The following ARIH2 variants were observed in gnomAD, a reference collection of about 807,000 sequenced individuals.
ARIH2 encodes ariadne RBR E3 ubiquitin protein ligase 2.
In ARIH2, 12 loss-of-function variants were observed where a neutral mutation model predicts 79.8. The ratio of observed to expected loss-of-function variants is 0.15; its 90% confidence interval spans 0.10 to 0.24. ARIH2 has a LOEUF of 0.24. Ranked by LOEUF, ARIH2 falls within the 10% of genes least tolerant of loss-of-function variation. The probability of loss-of-function intolerance (pLI) is 1.00; values close to 1 mark genes in which losing one functional copy is unlikely to be tolerated. For synonymous variants in ARIH2, 224 were observed against 213.9 expected, an observed-to-expected ratio of 1.05 and a Z score of -0.41; for missense variants, 301 against 618.3, an observed-to-expected ratio of 0.49 and a Z score of 5.44.
rs537220306 is a variant in ARIH2 at position 48,967,047 on chromosome 3, C to T, written c.388-78C>T. The T allele has an allele frequency of 9.1e-5, 134 of 1,471,964 alleles. No homozygotes were observed. In the African/African-American group the frequency reaches 1.7e-3, roughly 19 times the overall value. The allele number at this position is 1,471,964 out of a possible 1,614,324, so 91.2% of individuals were successfully genotyped here. On this transcript the variant is annotated intron_variant, in intron 5 of 15. Transcript: ENST00000356401. ...TGCAGGGTGAGGATCACTTTCCATGCACCCGGCTGCATGAGGTACCCTTAT... is the reference window on the plus strand; with the variant it reads ...TGCAGGGTGAGGATCACTTTCCATGTACCCGGCTGCATGAGGTACCCTTAT...
rs781645438 is a variant in ARIH2, at chr3:48,979,799, A to G, written c.1113+166A>G. ...GCTGCCTCTATAGATGTGCCTTTCA[A>G]GCTCTATAGGGTATATCCCCAGCCA... On this transcript the variant is annotated intron_variant, in intron 12 of 15. Transcript: ENST00000356401. The G allele has an allele frequency of 2.1e-4, 150 of 705,802 alleles. 2 individuals carry two copies. The highest frequency in any genetic ancestry group is 4.8e-5 in the Non-Finnish European group (21 of 434,896). 43.7% of individuals were successfully genotyped at this position (705,802 alleles called of 1,614,324 possible).
chr3:48,953,935 G>A (rs111737992), intron 3 of ARIH2, among the ~76,000 whole-genome samples: 3,658 of 148,378 alleles, frequency 0.025, 134 homozygotes, highest in African/African-American at 0.086. Flanking sequence ...AGGCCGAAGC[G>A]GGTGGATCAC....
Position 48,984,583 on chromosome 3 carries a change from G to C in ARIH2, c.*1313G>C, listed in dbSNP as rs2107723731. 1.3e-5 allele frequency: 2 copies of C among 152,330 alleles called. No individual in the cohort carries two copies. Among genetic ancestry groups the C allele is most frequent in the South Asian group, 4.1e-4 (2 of 4,826 alleles). 9.4% of individuals were successfully genotyped at this position (152,330 alleles called of 1,614,324 possible). A position where few individuals can be genotyped will look rare whatever the true frequency, so the allele number is the denominator to read the frequency against. On this transcript the variant is annotated 3_prime_UTR_variant, in exon 16 of 16. Coordinates refer to ENST00000356401, the MANE Select transcript of ARIH2 (RefSeq NM_006321.4). Reference sequence around the variant, plus strand: ...GTTTGCCTGGTGTCCTACCTGTCCTGAACCTGGTCCTGTGGGCCATTGAAA... The same window carrying C: ...GTTTGCCTGGTGTCCTACCTGTCCTCAACCTGGTCCTGTGGGCCATTGAAA...
chr3:48,922,572 A>C (rs556507898), intron 1 of ARIH2, 176 bp from the exon 2 acceptor site: 1 of 152,280 alleles, frequency 6.6e-6, no homozygotes, highest in African/African-American at 2.4e-5. Context: ...AACTCTTGTC[A>C]ATATAATTAT....
intron 3 of ARIH2, among the ~76,000 whole-genome samples, chr3:48,958,358 G>C (rs1017165813): frequency 3.9e-5 from 6 of 152,194 alleles, no homozygotes; most frequent in African/African-American, 7.2e-5. Context: ...CTTATCAGTA[G>C]TAGGATCGTG....
intron 2 of ARIH2, among the ~76,000 whole-genome samples, 193 bp downstream of exon 2, chr3:48,923,004 G>A (rs1031647860): frequency 5.9e-5 from 9 of 152,158 alleles, no homozygotes; most frequent in African/African-American, 1.2e-4. Flanking sequence ...TCAGGAGATC[G>A]AGACCATCCC....
At chr3:48,946,174 A>G (rs1055046747) in intron 3 of ARIH2, among the ~76,000 whole-genome samples, 3 of 152,056 alleles carry the variant, frequency 2.0e-5, no homozygotes, top group Non-Finnish European at 4.4e-5. Flanking sequence ...TCTTAGCATT[A>G]TTGGCCCACA....
At chr3:48,981,817 C>A (rs1262465901) in intron 14 of ARIH2, 89 bp downstream of exon 14, 1 of 1,108,310 alleles carries the variant, frequency 9.0e-7, no homozygotes, top group Non-Finnish European at 1.3e-6. Context: ...AGGACCAGAC[C>A]TTGGTCATTG....
chr3:48,964,993 A>G lies in ARIH2; in HGVS notation c.387+11A>G, dbSNP rs767701364. ...AATCCATCAAAACATGTGAGTGTCT[A>G]TTACTTGAATGAGGCTTCTCCTAAT... On this transcript the variant is annotated intron_variant, in intron 5 of 15. Coordinates refer to ENST00000356401, the MANE Select transcript of ARIH2 (RefSeq NM_006321.4). 9 of 1,610,978 alleles carry G rather than the reference A, an allele frequency of 5.6e-6. No homozygotes were observed. The highest frequency in any genetic ancestry group is 2.2e-5 in the East Asian group (1 of 44,790).
intron 2 of ARIH2, among the ~76,000 whole-genome samples, chr3:48,923,467 T>A (rs1486239408): frequency 1.3e-5 from 2 of 151,454 alleles, no homozygotes; most frequent in Admixed American, 6.6e-5. Flanking sequence ...GTTTTTTTTT[T>A]AATTTTTAGA....
intron 3 of ARIH2, among the ~76,000 whole-genome samples, chr3:48,939,108 C>G (rs2087641755): frequency 6.6e-6 from 1 of 152,014 alleles, no homozygotes; most frequent in Non-Finnish European, 1.5e-5. Flanking sequence ...GCTGGGACTA[C>G]AGGCGCCTGC....
At position 48,985,189 on chromosome 3, in the gene ARIH2, G is replaced by A. The variant is rs1299245619; in HGVS notation, c.*1919G>A. The A allele has an allele frequency of 1.3e-5, 2 of 152,208 alleles. No homozygotes were observed. Among genetic ancestry groups the A allele is most frequent in the African/African-American group, 2.4e-5 (1 of 41,426 alleles). The allele number at this position is 152,208 out of a possible 1,614,324, so 9.4% of individuals were successfully genotyped here. ...GCTCTGCACCCTAAATCACACCCTGGGCATTGTCTGGGCTGCAGGGCTGCC... is the reference window on the plus strand; with the variant it reads ...GCTCTGCACCCTAAATCACACCCTGAGCATTGTCTGGGCTGCAGGGCTGCC... On this transcript the variant is annotated 3_prime_UTR_variant, in exon 16 of 16. Coordinates refer to ENST00000356401, the MANE Select transcript of ARIH2 (RefSeq NM_006321.4).
At chr3:48,962,910 C>G (rs2091417837) in intron 4 of ARIH2, among the ~76,000 whole-genome samples, 1 of 151,924 alleles carries the variant, frequency 6.6e-6, no homozygotes, top group African/African-American at 2.4e-5. Context: ...ACTCTGTCAC[C>G]CAGGCTGGAG....
At chr3:48,955,001 C>T (rs1406164702) in intron 3 of ARIH2, among the ~76,000 whole-genome samples, 1 of 152,098 alleles carries the variant, frequency 6.6e-6, no homozygotes, top group Non-Finnish European at 1.5e-5. Flanking sequence ...AGTTCGAGAC[C>T]AGCCTGGCCA....
intron 7 of ARIH2, 77 bp from the exon 8 acceptor site, chr3:48,970,518 T>G: frequency 1.1e-6 from 1 of 948,362 alleles, no homozygotes; most frequent in African/African-American, 1.6e-5. Flanking sequence ...CAGAAAGTGT[T>G]TGAATATTCA....
intron 1 of ARIH2, chr3:48,919,375 C>T: frequency 4.3e-6 from 2 of 466,420 alleles, no homozygotes; most frequent in Non-Finnish European, 7.1e-6. Flanking sequence ...GTTTAACGCC[C>T]GCCTGTGGAG....
chr3:48,942,978 C>A (rs911737204), intron 3 of ARIH2, among the ~76,000 whole-genome samples: 1 of 151,910 alleles, frequency 6.6e-6, no homozygotes, highest in African/African-American at 2.4e-5. Context: ...GGGGTTTCAC[C>A]ATGTTGGCCA....
At chr3:48,937,788 G>A (rs760342355) in intron 3 of ARIH2, among the ~76,000 whole-genome samples, 2 of 151,942 alleles carry the variant, frequency 1.3e-5, no homozygotes, top group African/African-American at 4.8e-5. Context: ...TGGCTCACAC[G>A]TGTAATCCCA....
intron 3 of ARIH2, among the ~76,000 whole-genome samples, chr3:48,953,486 C>T (rs898905409): frequency 6.6e-6 from 1 of 152,122 alleles, no homozygotes; most frequent in Admixed American, 6.5e-5. Flanking sequence ...TCACTGCAAG[C>T]TCCGCCTCCC....
Sources: allele counts gnomAD v4.1 joint callset (sites outside exome capture counted in the v4.1 genomes callset), GRCh38; gene constraint gnomAD v4.1.1; transcripts MANE v1.5; gene names NCBI Gene and HGNC (gene_info 2026-07-23, HGNC 2026-07-21).